Variants in RAB27A observed in about 807,000 individuals in gnomAD.
The protein encoded by RAB27A is ras-related protein Rab-27A.
A neutral mutation model predicts 20.8 loss-of-function variants in RAB27A; 17 were observed. The observed-to-expected ratio is 0.82, with a 90% CI of 0.56 to 1.23. The LOEUF (loss-of-function observed/expected upper bound fraction) is 1.23. Among genes scored for constraint, RAB27A ranks in the 50% most tolerant of loss-of-function variants. RAB27A has a pLI of 0.00. For synonymous variants in RAB27A, 85 were observed against 92.8 expected (o/e 0.92, Z 0.48); for missense variants, 277 against 266.7 (o/e 1.04, Z -0.27).
At chr15:55,281,902 A>T (rs1244884154) in intron 1 of RAB27A, among the ~76,000 whole-genome samples, 1 of 152,164 alleles carries the variant, frequency 6.6e-6, no homozygotes, top group Non-Finnish European at 1.5e-5. Context: ...TTAATTTTTT[A>T]AAATTTTGTC....
intron 2 of RAB27A, among the ~76,000 whole-genome samples, chr15:55,240,906 AG>A (rs1452203424): frequency 6.6e-6 from 1 of 152,204 alleles, no homozygotes; most frequent in African/African-American, 2.4e-5. Context: ...TCTTCTAGCA[AG>A]GTCAAGAATG....
chr15:55,302,235 C>T (rs756487791), intron 2 of RAB27A, among the ~76,000 whole-genome samples: 7 of 152,162 alleles, frequency 4.6e-5, no homozygotes, highest in East Asian at 1.9e-4. Context: ...CAACACCCGC[C>T]GCCACGCCTG....
intron 2 of RAB27A, among the ~76,000 whole-genome samples, chr15:55,244,712 G>A (rs1346185895): frequency 2.0e-5 from 3 of 152,124 alleles, no homozygotes; most frequent in East Asian, 1.9e-4. Flanking sequence ...AGAGAAACAG[G>A]AGCAGATGAA....
intron 6 of RAB27A, among the ~76,000 whole-genome samples, chr15:55,210,749 G>T (rs1296439276): frequency 6.6e-6 from 1 of 152,000 alleles, no homozygotes; most frequent in African/African-American, 2.4e-5. Context: ...CCTTTGCTGT[G>T]TAGAAGCTTT....
At chr15:55,246,067 C>T (rs939696999) in intron 2 of RAB27A, among the ~76,000 whole-genome samples, 1 of 151,332 alleles carries the variant, frequency 6.6e-6, no homozygotes, top group Non-Finnish European at 1.5e-5. Context: ...AGTGAGACTT[C>T]GTCTAAGATA....
At chr15:55,239,404 A>C (rs1411539325) in intron 2 of RAB27A, among the ~76,000 whole-genome samples, 1 of 152,138 alleles carries the variant, frequency 6.6e-6, no homozygotes, top group Non-Finnish European at 1.5e-5. Context: ...CAAACCAACA[A>C]ACTTAAAATT....
chr15:55,227,966 A>T (rs1352389307), intron 5 of RAB27A, among the ~76,000 whole-genome samples: 7 of 152,230 alleles, frequency 4.6e-5, no homozygotes, highest in African/African-American at 1.7e-4. Context: ...GCTGTTATGC[A>T]GTCAAGTGGC....
chr15:55,216,654 A>C (rs189671021), intron 6 of RAB27A, among the ~76,000 whole-genome samples: 106 of 152,336 alleles, frequency 7.0e-4, no homozygotes, highest in African/African-American at 1.8e-3. Flanking sequence ...AAATAAAAAT[A>C]AATTTGCAAA....
intron 2 of RAB27A, among the ~76,000 whole-genome samples, chr15:55,302,724 C>G (rs1240842568): frequency 4.2e-5 from 5 of 119,276 alleles, no homozygotes; most frequent in African/African-American, 1.2e-4. Flanking sequence ...CTCTGCCCCG[C>G]CGCCCCATCT....
chr15:55,263,705 C>T (rs1463520139), intron 2 of RAB27A, among the ~76,000 whole-genome samples: 2 of 152,122 alleles, frequency 1.3e-5, no homozygotes, highest in African/African-American at 4.8e-5. Context: ...TTAAAGAAGC[C>T]GAACCCAAAT....
Position 55,209,920 on chromosome 15 carries a change from A to T in RAB27A, c.468-4215T>A, listed in dbSNP as rs1055692426. 2.4e-5 allele frequency among the ~76,000 whole-genome samples: 2 copies of T among 82,352 alleles called. 1 individual carries two copies. Among genetic ancestry groups the T allele is most frequent in the Non-Finnish European group, 4.5e-5 (2 of 44,262 alleles). 54.0% of individuals were successfully genotyped at this position (82,352 alleles called of 152,430 possible). ...TACACATATGTGTGTGTATGTATAT[A>T]CACACATATATGTATGTACATGTAC... On this transcript the variant is annotated intron_variant, in intron 6 of 6. Coordinates refer to ENST00000336787, the MANE Select transcript of RAB27A (RefSeq NM_183235.3).
rs77811009 is a variant in RAB27A at position 55,276,829 on chromosome 15, A to C, written c.-142-6545T>G. ...TAATTGTTCTTACCACACACACACA[A>C]AAATGCAATAATAATAAAACAGGCA... is the stretch of plus-strand genomic sequence containing the variant. On this transcript the variant is annotated intron_variant, in intron 1 of 6. Coordinates refer to ENST00000336787, the MANE Select transcript of RAB27A (RefSeq NM_183235.3). Among the ~76,000 whole-genome samples the C allele has an allele frequency of 5.5e-3, 833 of 152,316 alleles. 16 individuals carry two copies. Among genetic ancestry groups the C allele is most frequent in the African/African-American group, 0.018 (753 of 41,566 alleles).
At position 55,203,979 on chromosome 15, in the gene RAB27A, T is replaced by C. The variant is rs973045721; in HGVS notation, c.*1528A>G. On this transcript the variant is annotated 3_prime_UTR_variant, in exon 7 of 7. Transcript: ENST00000336787. The stretch of plus-strand genomic sequence containing the variant: ...GGGGTACAAGTACAGTTTAGATACA[T>C]GAATATATTGTGTAGTCGTAAAGTC... 3 of 152,200 alleles carry C rather than the reference T, an allele frequency of 2.0e-5. No homozygotes were observed. Among genetic ancestry groups the C allele is most frequent in the African/African-American group, 7.2e-5 (3 of 41,460 alleles). The allele number at this position is 152,200 out of a possible 1,614,324, so 9.4% of individuals were successfully genotyped here. A position where few individuals can be genotyped will look rare whatever the true frequency, so the allele number is the denominator to read the frequency against.
intron 6 of RAB27A, 146 bp from the exon 7 acceptor site, chr15:55,205,851 A>G: frequency 2.6e-6 from 2 of 783,192 alleles, no homozygotes; most frequent in African/African-American, 3.5e-5. Flanking sequence ...TTAAAAAGTT[A>G]AAAAGACAAT....
At position 55,209,646 on chromosome 15, in the gene RAB27A, A is replaced by G. The variant is rs117925628; in HGVS notation, c.468-3941T>C. 4.8e-4 allele frequency among the ~76,000 whole-genome samples: 72 copies of G among 149,866 alleles called. No individual in the cohort carries two copies. The East Asian group carries it at 0.014, about 30-fold the overall frequency. ...TTTGATATATCTGATATACATCTCT[A>G]TATATCTTTTGGGATATATATATAT... On this transcript the variant is annotated intron_variant, in intron 6 of 6. Transcript: ENST00000336787.
At chr15:55,208,634 A>G (rs1417608749) in intron 6 of RAB27A, among the ~76,000 whole-genome samples, 1 of 152,042 alleles carries the variant, frequency 6.6e-6, no homozygotes, top group Non-Finnish European at 1.5e-5. Flanking sequence ...TGCCTCCCTC[A>G]GGAGAGAGGA....
At chr15:55,226,444 C>T (rs112284386) in intron 5 of RAB27A, among the ~76,000 whole-genome samples, 70 of 152,062 alleles carry the variant, frequency 4.6e-4, no homozygotes, top group Non-Finnish European at 1.2e-4. Flanking sequence ...CAATCAGGGC[C>T]CACGAGTCAG....
rs4774206 is a variant in RAB27A, at chr15:55,209,381, G to A, written c.468-3676C>T. Among the ~76,000 whole-genome samples, 791 of 152,212 alleles carry A rather than the reference G, an allele frequency of 5.2e-3. 4 individuals are homozygous for A. Among genetic ancestry groups the A allele is most frequent in the Non-Finnish European group, 8.1e-3 (551 of 68,004 alleles). Reference sequence around the variant, plus strand: ...CTTTGTAGCTCCCACATATGAGTAAGAACATGCAACATTTGTCTTTCTGTG... The same window carrying A: ...CTTTGTAGCTCCCACATATGAGTAAAAACATGCAACATTTGTCTTTCTGTG... On this transcript the variant is annotated intron_variant, in intron 6 of 6. Coordinates refer to ENST00000336787, the MANE Select transcript of RAB27A (RefSeq NM_183235.3).
intron 6 of RAB27A, among the ~76,000 whole-genome samples, chr15:55,221,741 A>G (rs1433043398): frequency 1.3e-5 from 2 of 152,048 alleles, no homozygotes; most frequent in African/African-American, 2.4e-5. Flanking sequence ...TAGCCCTCAT[A>G]TATTGTCGCT....
Sources: allele counts gnomAD v4.1 joint callset (sites outside exome capture counted in the v4.1 genomes callset), GRCh38; gene constraint gnomAD v4.1.1; transcripts MANE v1.5; gene names NCBI Gene and HGNC (gene_info 2026-07-23, HGNC 2026-07-21).